Variants in PARP8 observed in about 807,000 individuals in gnomAD.
The protein encoded by PARP8 is poly(ADP-ribose) polymerase family member 8.
PARP8 carries 51 observed loss-of-function variants against 124.1 expected under a neutral mutation model. That is an observed-to-expected ratio of 0.41 (90% confidence interval 0.33 to 0.52). PARP8 has a LOEUF of 0.52. PARP8 is among the 20% of genes least tolerant of loss of function. PARP8 has a pLI of 0.21. For missense variants in PARP8, 860 were observed against 1,018.9 expected (o/e 0.84, Z 2.12); for synonymous variants, 391 against 361.5 (o/e 1.08, Z -0.93).
intron 2 of PARP8, among the ~76,000 whole-genome samples, chr5:50,672,263 T>C (rs1488951350): frequency 6.6e-6 from 1 of 152,236 alleles, no homozygotes; most frequent in East Asian, 1.9e-4. Context: ...TTATGTCTGT[T>C]TGACTGTGAG....
intron 2 of PARP8, among the ~76,000 whole-genome samples, chr5:50,733,359 A>G (rs1254212192): frequency 2.0e-5 from 3 of 152,128 alleles, no homozygotes; most frequent in Admixed American, 6.5e-5. Context: ...GATGGTGCCT[A>G]TTGGGCAGCT....
At chr5:50,717,749 C>T (rs776934295) in intron 2 of PARP8, among the ~76,000 whole-genome samples, 2 of 151,892 alleles carry the variant, frequency 1.3e-5, no homozygotes, top group Non-Finnish European at 2.9e-5. Flanking sequence ...TTTGATAAAA[C>T]AATGAATCTT....
At chr5:50,734,518 T>C (rs1757293692) in intron 2 of PARP8, among the ~76,000 whole-genome samples, 1 of 152,166 alleles carries the variant, frequency 6.6e-6, no homozygotes, top group South Asian at 2.1e-4. Context: ...AAAGACATAA[T>C]CATTCAAACA....
intron 9 of PARP8, among the ~76,000 whole-genome samples, chr5:50,785,208 T>C (rs1741111158): frequency 6.6e-6 from 1 of 152,180 alleles, no homozygotes. Flanking sequence ...TTGAAATTTA[T>C]GTTTTTCTAG....
chr5:50,730,915 CA>C (rs1422048879), intron 2 of PARP8, among the ~76,000 whole-genome samples: 1 of 152,152 alleles, frequency 6.6e-6, no homozygotes, highest in Non-Finnish European at 1.5e-5. Context: ...GCAGATTACC[CA>C]GTGAAGTTTG....
intron 14 of PARP8, among the ~76,000 whole-genome samples, chr5:50,800,948 G>A (rs1743144049): frequency 6.6e-6 from 1 of 151,566 alleles, no homozygotes; most frequent in African/African-American, 2.4e-5. Flanking sequence ...TGTAGAAATG[G>A]GGTGTCACCA....
At chr5:50,783,434 G>A (rs1488985690) in intron 9 of PARP8, among the ~76,000 whole-genome samples, 1 of 152,112 alleles carries the variant, frequency 6.6e-6, no homozygotes, top group Non-Finnish European at 1.5e-5. Flanking sequence ...GCATAGTGCT[G>A]TTAGACATTT....
intron 2 of PARP8, among the ~76,000 whole-genome samples, chr5:50,695,325 G>A (rs1158986743): frequency 6.6e-6 from 1 of 152,172 alleles, no homozygotes; most frequent in Non-Finnish European, 1.5e-5. Context: ...ATGACCTGAT[G>A]TAGCACACCC....
rs528612458 is a variant in PARP8 at position 50,786,053 on chromosome 5, T to C, written c.671-2470T>C. Among the ~76,000 whole-genome samples, 170 of 152,244 alleles carry C rather than the reference T, an allele frequency of 1.1e-3. 2 individuals are homozygous for C. Among genetic ancestry groups the C allele is most frequent in the African/African-American group, 4.0e-3 (166 of 41,540 alleles). On this transcript the variant is annotated intron_variant, in intron 9 of 25. Coordinates refer to ENST00000281631, the MANE Select transcript of PARP8 (RefSeq NM_024615.4). ...CACATCAGCAAATATTTCTCTTGTCTTAAAAAAATAAAATAAAAACCCTCT... is the reference window on the plus strand; with the variant it reads ...CACATCAGCAAATATTTCTCTTGTCCTAAAAAAATAAAATAAAAACCCTCT...
chr5:50,671,422 G>T (rs964484989), intron 2 of PARP8, among the ~76,000 whole-genome samples: 1 of 151,928 alleles, frequency 6.6e-6, no homozygotes. Flanking sequence ...CTGGAATTCC[G>T]AGTGTGAACT....
rs1436513314 is a variant in PARP8, at chr5:50,829,934, A to T, written c.2206A>T (p.Met736Leu). ...TGGAAGTGGAATCTATCTTAGTCCAATGTCAAGCATATCATTTGGTTACTC... is the reference window on the plus strand; with the variant it reads ...TGGAAGTGGAATCTATCTTAGTCCATTGTCAAGCATATCATTTGGTTACTC... ...MYGSGIYLSP[M>L]SSISFGYSGM... is the part of the protein sequence containing the mutation. The change falls in exon 22 of 26, where the codon ATG (methionine) becomes TTG (leucine). Residue 736 changes from methionine to leucine, a missense_variant. Coordinates refer to ENST00000281631, the MANE Select transcript of PARP8 (RefSeq NM_024615.4). 6.2e-7 allele frequency: 1 copy of T among 1,609,224 alleles called. No homozygotes were observed. Among genetic ancestry groups the T allele is most frequent in the South Asian group, 1.1e-5 (1 of 90,324 alleles).
chr5:50,680,419 T>G (rs1352017062), intron 2 of PARP8, among the ~76,000 whole-genome samples: 2 of 152,198 alleles, frequency 1.3e-5, no homozygotes, highest in African/African-American at 4.8e-5. Context: ...CTCTGTTTAC[T>G]GTCTATTTGT....
intron 2 of PARP8, among the ~76,000 whole-genome samples, chr5:50,671,110 T>G (rs369149225): frequency 6.6e-6 from 1 of 152,346 alleles, no homozygotes; most frequent in East Asian, 1.9e-4. Flanking sequence ...AGGCTTCAAT[T>G]GTACACAATT....
At chr5:50,667,839 G>A in intron 1 of PARP8, 3 of 1,274,586 alleles carry the variant, frequency 2.4e-6, no homozygotes, top group Non-Finnish European at 3.3e-6. Context: ...GGAAATTCCC[G>A]CTGTTGCCAT....
chr5:50,667,940 G>T (rs1749542538), intron 1 of PARP8, 131 bp from the exon 2 acceptor site: 3 of 1,560,062 alleles, frequency 1.9e-6, no homozygotes, highest in Admixed American at 1.9e-5. Context: ...GAGGGACCTC[G>T]CCGCCCTCTA....
At chr5:50,770,200 A>G (rs534647208) in intron 7 of PARP8, among the ~76,000 whole-genome samples, 3 of 152,030 alleles carry the variant, frequency 2.0e-5, no homozygotes, top group Admixed American at 6.5e-5. Context: ...TTCTATATCT[A>G]TTTTCTCAAT....
chr5:50,670,184 T>G (rs991179057), intron 2 of PARP8, among the ~76,000 whole-genome samples: 1 of 152,238 alleles, frequency 6.6e-6, no homozygotes, highest in African/African-American at 2.4e-5. Flanking sequence ...TCTTGCTGTG[T>G]TTTGATTTAA....
intron 2 of PARP8, among the ~76,000 whole-genome samples, chr5:50,676,064 G>A (rs1438175732): frequency 6.6e-6 from 1 of 152,136 alleles, no homozygotes; most frequent in Admixed American, 6.6e-5. Context: ...TTAATGATTG[G>A]CTTTTTAGAA....
chr5:50,707,655 G>GAA (rs1272968902), intron 2 of PARP8, among the ~76,000 whole-genome samples: 1 of 151,314 alleles, frequency 6.6e-6, no homozygotes, highest in East Asian at 2.0e-4. Context: ...GAGAGAGAGA[G>GAA]AGAGAGAGAA....
Sources: allele counts gnomAD v4.1 joint callset (sites outside exome capture counted in the v4.1 genomes callset), GRCh38; gene constraint gnomAD v4.1.1; transcripts MANE v1.5; gene names NCBI Gene and HGNC (gene_info 2026-07-23, HGNC 2026-07-21).